PCDHGA3: variants seen among roughly 807,000 people sequenced by gnomAD.
PCDHGA3 encodes protocadherin gamma subfamily A, 3.
In PCDHGA3, 40 loss-of-function variants were observed where a neutral mutation model predicts 58.5. That is an observed-to-expected ratio of 0.68 (90% CI 0.53 to 0.89). The LOEUF is 0.89. Ranked by LOEUF, PCDHGA3 falls within the 40% of genes least tolerant of loss-of-function variation. The pLI is 0.00. For synonymous variants in PCDHGA3, 530 were observed against 525.7 expected (o/e 1.01, Z -0.11); for missense variants, 1,223 against 1,195.9 (o/e 1.02, Z -0.33).
At chr5:141,376,137 A>G (rs1342753731) in intron 1 of PCDHGA3, 6 of 1,613,156 alleles carry the variant, frequency 3.7e-6, no homozygotes, top group South Asian at 1.1e-5. Context: ...GCCAAACCCA[A>G]CGATTCGGAC....
At chr5:141,465,318 A>G (rs1440554123) in intron 1 of PCDHGA3, among the ~76,000 whole-genome samples, 1 of 152,198 alleles carries the variant, frequency 6.6e-6, no homozygotes, top group Non-Finnish European at 1.5e-5. Flanking sequence ...AGCCATGTCA[A>G]TGCAGTATTT....
chr5:141,360,130 C>T lies in PCDHGA3; in HGVS notation c.2424+13673C>T, dbSNP rs769543573. On this transcript the variant is annotated intron_variant, in intron 1 of 3. Transcript: ENST00000253812. ...CTATGGGCAAAGGAGCAAAGGGAGCCAGAAGATGAAAGCGAGCTCAGGGAG... is the reference window on the plus strand; with the variant it reads ...CTATGGGCAAAGGAGCAAAGGGAGCTAGAAGATGAAAGCGAGCTCAGGGAG... 2.5e-6 allele frequency: 4 copies of T among 1,588,304 alleles called. No homozygotes were observed. In the Admixed American group the frequency reaches 7.0e-5, roughly 28 times the overall value.
intron 1 of PCDHGA3, among the ~76,000 whole-genome samples, chr5:141,401,278 G>T (rs1355696847): frequency 6.6e-6 from 1 of 152,160 alleles, no homozygotes; most frequent in Non-Finnish European, 1.5e-5. Context: ...GCAGGTGGAG[G>T]TTGCGGTGAG....
intron 1 of PCDHGA3, among the ~76,000 whole-genome samples, chr5:141,457,863 C>A (rs2098930968): frequency 6.6e-6 from 1 of 152,194 alleles, no homozygotes; most frequent in Non-Finnish European, 1.5e-5. Flanking sequence ...TCTTCACTGA[C>A]CACAGGTTAG....
At chr5:141,422,399 T>C in intron 1 of PCDHGA3, 3 of 1,598,374 alleles carry the variant, frequency 1.9e-6, no homozygotes, top group Non-Finnish European at 2.6e-6. Context: ...CCTAACCACC[T>C]GCCTTTTAAA....
chr5:141,471,637 T>G (rs1284100810), intron 1 of PCDHGA3: 1 of 152,198 alleles, frequency 6.6e-6, no homozygotes, highest in Non-Finnish European at 1.5e-5. Context: ...TATGGATTAG[T>G]AATATACTGG....
At chr5:141,362,128 G>A (rs1359609195) in intron 1 of PCDHGA3, 1 of 1,613,900 alleles carries the variant, frequency 6.2e-7, no homozygotes, top group African/African-American at 1.3e-5. Context: ...CCTAATCTTC[G>A]CGGATAGCCT....
rs1220353816 is a variant in PCDHGA3, at chr5:141,396,426, C to T, written c.2424+49969C>T. Reference sequence around the variant, plus strand: ...CTGAGGTCAGGAGTTCAAGATCAGCCTGGCAAACATGGTGAAACCCCGTCT... The same window carrying T: ...CTGAGGTCAGGAGTTCAAGATCAGCTTGGCAAACATGGTGAAACCCCGTCT... On this transcript the variant is annotated intron_variant, in intron 1 of 3. Coordinates refer to ENST00000253812, the MANE Select transcript of PCDHGA3 (RefSeq NM_018916.4). The T allele has an allele frequency of 5.9e-5, 9 of 152,308 alleles. 1 individual carries two copies. The highest frequency in any genetic ancestry group is 2.2e-4 in the African/African-American group (9 of 41,552). 9.4% of individuals were successfully genotyped at this position (152,308 alleles called of 1,614,324 possible). A position where few individuals can be genotyped will look rare whatever the true frequency, so the allele number is the denominator to read the frequency against.
At chr5:141,352,744 C>T (rs1159218441) in intron 1 of PCDHGA3, 2 of 1,445,068 alleles carry the variant, frequency 1.4e-6, no homozygotes, top group Non-Finnish European at 1.9e-6. Flanking sequence ...AATCCCAGCA[C>T]TTAACCAGGC....
At chr5:141,464,415 C>A (rs1185416197) in intron 1 of PCDHGA3, among the ~76,000 whole-genome samples, 2 of 150,854 alleles carry the variant, frequency 1.3e-5, no homozygotes, top group Admixed American at 6.6e-5. Context: ...ATATATATAT[C>A]TATATATATA....
At chr5:141,434,427 G>A (rs2097693282) in intron 1 of PCDHGA3, among the ~76,000 whole-genome samples, 1 of 152,216 alleles carries the variant, frequency 6.6e-6, no homozygotes, top group African/African-American at 2.4e-5. Context: ...GTTCATGATG[G>A]CCGTAATGCC....
chr5:141,476,367 G>C lies in PCDHGA3; in HGVS notation c.2425-18440G>C, dbSNP rs754652710. ...TTCTTTGAGGTGAACCGGGAGACCG[G>C]AGAGATGTTTGTGAACGACCGTCTG... On this transcript the variant is annotated intron_variant, in intron 1 of 3. Transcript: ENST00000253812. This position sits in a 1 kb window ranked among gnomAD's most constrained non-coding sequence, Gnocchi z 7.6. 6.2e-7 allele frequency: 1 copy of C among 1,614,172 alleles called. No homozygotes were observed. Among genetic ancestry groups the C allele is most frequent in the Non-Finnish European group, 8.5e-7 (1 of 1,180,036 alleles).
At position 141,431,392 on chromosome 5, in the gene PCDHGA3, C is replaced by T. The variant is rs572129534; in HGVS notation, c.2425-63415C>T. 3 of 1,613,888 alleles carry T rather than the reference C, an allele frequency of 1.9e-6. No homozygotes were observed. Among genetic ancestry groups the T allele is most frequent in the Non-Finnish European group, 2.5e-6 (3 of 1,180,048 alleles). On this transcript the variant is annotated intron_variant, in intron 1 of 3. Transcript: ENST00000253812. The surrounding 1 kb of genome is among the most constrained non-coding windows in gnomAD (Gnocchi z 4.8). ...AAGAAAAGGCTGCTCACCACCTGGT[C>T]CTTACGGCCTCCGACGGGGGCGACC... is the stretch of plus-strand genomic sequence containing the variant.
At position 141,486,417 on chromosome 5, in the gene PCDHGA3, G is replaced by T. The variant is rs1298448753; in HGVS notation, c.2425-8390G>T. On this transcript the variant is annotated intron_variant, in intron 1 of 3. Transcript: ENST00000253812. The surrounding 1 kb of genome is among the most constrained non-coding windows in gnomAD (Gnocchi z 5.0). ...CTGGTGACTGCTGGACCCTTGGATCGAGAGGCCAAATCTAGCTATGACATC... is the reference window on the plus strand; with the variant it reads ...CTGGTGACTGCTGGACCCTTGGATCTAGAGGCCAAATCTAGCTATGACATC... The T allele has an allele frequency of 6.2e-7, 1 of 1,614,014 alleles. No homozygotes were observed. The highest frequency in any genetic ancestry group is 1.7e-5 in the Admixed American group (1 of 60,010).
intron 1 of PCDHGA3, chr5:141,416,068 A>G (rs940843403): frequency 1.2e-5 from 2 of 173,694 alleles, no homozygotes; most frequent in Non-Finnish European, 2.4e-5. Context: ...AGAATACTCA[A>G]TGCAGTTCTT....
At chr5:141,385,101 C>T (rs1373310406) in intron 1 of PCDHGA3, 1 of 1,614,078 alleles carries the variant, frequency 6.2e-7, no homozygotes, top group Admixed American at 1.7e-5. Flanking sequence ...GCTTGGCGAA[C>T]GTGCCCACCT....
chr5:141,399,056 A>G (rs945298198), intron 1 of PCDHGA3: 24 of 1,613,834 alleles, frequency 1.5e-5, no homozygotes, highest in African/African-American at 1.2e-4. Flanking sequence ...GAGACCAAGG[A>G]ATATTCAATG....
chr5:141,394,006 TAGGTA>T, intron 1 of PCDHGA3: 3 of 1,613,358 alleles, frequency 1.9e-6, no homozygotes, highest in Admixed American at 3.3e-5. Flanking sequence ...GAAAAGTCAA[TAGGTA>T]ATTATTATAG....
At chr5:141,351,308 A>C (rs1758689711) in intron 1 of PCDHGA3, 1 of 1,613,836 alleles carries the variant, frequency 6.2e-7, no homozygotes, top group African/African-American at 1.3e-5. Context: ...GTCCTTCTCT[A>C]ACCAGATTCC....
Sources: allele counts gnomAD v4.1 joint callset (sites outside exome capture counted in the v4.1 genomes callset), GRCh38; gene constraint gnomAD v4.1.1; non-coding constraint Gnocchi (gnomAD v3.1); transcripts MANE v1.5; gene names NCBI Gene and HGNC (gene_info 2026-07-23, HGNC 2026-07-21).